The following FAM184B variants were observed in gnomAD, a reference collection of about 807,000 sequenced individuals.
FAM184B encodes the protein protein FAM184B.
Under a neutral mutation model 135.9 loss-of-function variants are expected in FAM184B, and 111 were observed. The ratio of observed to expected loss-of-function variants is 0.82; its 90% CI spans 0.70 to 0.96. The LOEUF (loss-of-function observed/expected upper bound fraction) is 0.96. Ranked by LOEUF, FAM184B falls within the 40% of genes least tolerant of loss-of-function variation. The probability of loss-of-function intolerance (pLI) is 0.00; values close to 1 mark genes in which losing one functional copy is unlikely to be tolerated. For synonymous variants in FAM184B, 552 were observed against 524.8 expected, an observed-to-expected ratio of 1.05 and a Z score of -0.71; for missense variants, 1,375 against 1,323.9, an observed-to-expected ratio of 1.04 and a Z score of -0.60.
Position 17,658,578 on chromosome 4 carries a change from C to T in FAM184B, c.1825-16G>A, listed in dbSNP as rs925166488. On this transcript the variant is annotated splice_polypyrimidine_tract_variant and intron_variant, in intron 9 of 17. Coordinates refer to ENST00000265018, the MANE Select transcript of FAM184B (RefSeq NM_015688.2). ...TCTGTGAGACCTGCGCACAAGGCAT[C>T]CTGCCCTCAGTCTAAGCCCCTTGCC... The T allele has an allele frequency of 7.1e-5, 110 of 1,548,428 alleles. No individual in the cohort carries two copies. Among genetic ancestry groups the T allele is most frequent in the Non-Finnish European group, 9.5e-5 (109 of 1,145,908 alleles).
Position 17,630,543 on chromosome 4 carries a change from T to G in FAM184B, c.*1989A>C, listed in dbSNP as rs1714895895. ...AGCCTCTAGGACTGTGAGTGACATA[T>G]TTCTATTGTTTATAAATTATCCAGT... On this transcript the variant is annotated 3_prime_UTR_variant, in exon 18 of 18. Coordinates refer to ENST00000265018, the MANE Select transcript of FAM184B (RefSeq NM_015688.2). The G allele has an allele frequency of 2.0e-5, 3 of 152,210 alleles. No homozygotes were observed. The South Asian group carries it at 6.2e-4, about 32-fold the overall frequency. 9.4% of individuals were successfully genotyped at this position (152,210 alleles called of 1,614,324 possible).
intron 7 of FAM184B, among the ~76,000 whole-genome samples, chr4:17,666,431 G>A (rs1716050077): frequency 1.5e-5 from 2 of 133,630 alleles, no homozygotes; most frequent in Admixed American, 7.7e-5. Context: ...AGTTTCCCAA[G>A]TAGTTGAGAC....
chr4:17,692,966 CA>C (rs1716768676), intron 6 of FAM184B, among the ~76,000 whole-genome samples: 2 of 151,776 alleles, frequency 1.3e-5, no homozygotes, highest in African/African-American at 4.8e-5. Flanking sequence ...CCTAGAAAGG[CA>C]AAATTGCTAA....
intron 12 of FAM184B, among the ~76,000 whole-genome samples, chr4:17,643,050 G>T (rs1208422588): frequency 6.6e-6 from 1 of 152,250 alleles, no homozygotes; most frequent in Non-Finnish European, 1.5e-5. Flanking sequence ...CATGATGTGG[G>T]ATGCCCGTGG....
chr4:17,718,192 C>A (rs192339849), intron 1 of FAM184B, among the ~76,000 whole-genome samples: 1 of 152,146 alleles, frequency 6.6e-6, no homozygotes, highest in African/African-American at 2.4e-5. Flanking sequence ...AAGCACTTAA[C>A]CCTTCTTAAG....
At chr4:17,678,741 A>G (rs1716373223) in intron 7 of FAM184B, among the ~76,000 whole-genome samples, 1 of 152,224 alleles carries the variant, frequency 6.6e-6, no homozygotes, top group Admixed American at 6.5e-5. Flanking sequence ...AGCAAAAAGA[A>G]CAAATCTGGA....
chr4:17,736,741 G>C (rs753703403), intron 1 of FAM184B, among the ~76,000 whole-genome samples: 18 of 152,150 alleles, frequency 1.2e-4, no homozygotes, highest in African/African-American at 4.1e-4. Flanking sequence ...CCTCCCTCTT[G>C]CCTGCACTTA....
chr4:17,684,407 C>T (rs1464491241), intron 7 of FAM184B, among the ~76,000 whole-genome samples: 1 of 151,876 alleles, frequency 6.6e-6, no homozygotes, highest in Non-Finnish European at 1.5e-5. Context: ...CAATGTATAC[C>T]TTTATATACC....
At chr4:17,692,604 C>G (rs903734545) in intron 6 of FAM184B, among the ~76,000 whole-genome samples, 1 of 152,146 alleles carries the variant, frequency 6.6e-6, no homozygotes, top group East Asian at 1.9e-4. Flanking sequence ...TTGCGCATGG[C>G]CTTTGTGTTC....
At chr4:17,653,812 G>A (rs946276616) in intron 10 of FAM184B, among the ~76,000 whole-genome samples, 2 of 144,924 alleles carry the variant, frequency 1.4e-5, no homozygotes, top group African/African-American at 5.1e-5. Context: ...TCTTAGATGG[G>A]AGATTATCCT....
intron 12 of FAM184B, among the ~76,000 whole-genome samples, chr4:17,645,861 G>A (rs984109808): frequency 5.9e-5 from 9 of 152,000 alleles, no homozygotes; most frequent in Non-Finnish European, 1.3e-4. Context: ...AATCTACAAA[G>A]AACTCAAACA....
At chr4:17,759,138 G>A (rs922153083) in intron 1 of FAM184B, among the ~76,000 whole-genome samples, 12 of 152,148 alleles carry the variant, frequency 7.9e-5, no homozygotes, top group Non-Finnish European at 1.0e-4. Context: ...ACATCTTGCC[G>A]GTTCTCAGGG....
intron 10 of FAM184B, among the ~76,000 whole-genome samples, chr4:17,654,989 C>T (rs1244375061): frequency 6.6e-6 from 1 of 152,120 alleles, no homozygotes; most frequent in Non-Finnish European, 1.5e-5. Flanking sequence ...GTAGCTGAGA[C>T]CACAGATGCT....
chr4:17,633,704 G>C lies in FAM184B; in HGVS notation c.3074C>G (p.Ala1025Gly), dbSNP rs752100556. The C allele has an allele frequency of 1.2e-5, 19 of 1,534,028 alleles. 1 individual carries two copies. In the South Asian group the frequency reaches 2.0e-4, roughly 16 times the overall value. Residue 1025 changes from alanine (A) to glycine (G), a missense_variant, in exon 17 of 18, where the codon GCA becomes GGA. By Grantham distance (60) the Ala-to-Gly change is moderately conservative. Transcript: ENST00000265018. ...TCCCCCAAACCTTGTGGCAGTTTTTGCATCTGTAGACTGGTTGGGTTTGTA... is the reference window on the plus strand; with the variant it reads ...TCCCCCAAACCTTGTGGCAGTTTTTCCATCTGTAGACTGGTTGGGTTTGTA... Reference protein sequence around the residue: ...RTYKPNQSTDAKTATRTPDGE... With the variant: ...RTYKPNQSTDGKTATRTPDGE...
rs1418027172 is a variant in FAM184B, at chr4:17,709,150, C to G, written c.636G>C (p.Lys212Asn). 1 of 1,548,186 alleles carries G rather than the reference C, an allele frequency of 6.5e-7. No homozygotes were observed. The highest frequency in any genetic ancestry group is 1.4e-5 in the African/African-American group (1 of 73,040). The change falls in exon 2 of 18, where the codon AAG becomes AAC. Residue 212 changes from lysine to asparagine, a missense_variant. By Grantham distance (94) the Lys-to-Asn change is moderately conservative. Transcript: ENST00000265018. ...GCTCCTCGGCCTTGCGGGCGTAGTC[C>G]TTGCTCAGCTGCTGGTTCTCCACTC... is the stretch of plus-strand genomic sequence containing the variant. Reference protein sequence around the residue: ...RLRVENQQLSKDYARKAEELQ... With the variant: ...RLRVENQQLSNDYARKAEELQ...
At chr4:17,685,224 C>T (rs1174561982) in intron 7 of FAM184B, among the ~76,000 whole-genome samples, 1 of 148,652 alleles carries the variant, frequency 6.7e-6, no homozygotes, top group African/African-American at 2.5e-5. Flanking sequence ...AAAAAGAAAC[C>T]GAACTCATTG....
At chr4:17,780,226 G>A (rs1419479834) in intron 1 of FAM184B, among the ~76,000 whole-genome samples, 1 of 152,188 alleles carries the variant, frequency 6.6e-6, no homozygotes. Flanking sequence ...AAGTGAGAGG[G>A]AGATGGTGAG....
intron 1 of FAM184B, among the ~76,000 whole-genome samples, chr4:17,771,507 G>A (rs138593700): frequency 2.1e-4 from 32 of 152,284 alleles, no homozygotes; most frequent in African/African-American, 4.8e-4. Flanking sequence ...CAGATCTGCC[G>A]TTTTCAAGTC....
chr4:17,670,677 C>CA (rs1716151426), intron 7 of FAM184B, among the ~76,000 whole-genome samples: 1 of 152,194 alleles, frequency 6.6e-6, no homozygotes, highest in Non-Finnish European at 1.5e-5. Flanking sequence ...CTCATGGATG[C>CA]ATATGGCTCT....
Sources: gnomAD v4.1 joint callset for allele counts (sites outside exome capture counted in the v4.1 genomes callset) on GRCh38, gnomAD v4.1.1 for gene constraint, MANE v1.5 for transcripts, NCBI Gene and HGNC (gene_info 2026-07-23, HGNC 2026-07-21) for gene names.